The following JAZF1 variants were observed in gnomAD, a reference collection of about 807,000 sequenced individuals.
JAZF1 encodes JAZF zinc finger 1.
JAZF1 carries 8 observed loss-of-function variants against 26.4 expected under a neutral mutation model. That is an observed-to-expected ratio of 0.30 (90% CI 0.18 to 0.55). The LOEUF (loss-of-function observed/expected upper bound fraction) is 0.55. Ranked by LOEUF, JAZF1 falls within the 20% of genes least tolerant of loss-of-function variation. JAZF1 has a pLI of 0.94. For synonymous variants in JAZF1, 126 were observed against 122.3 expected, an observed-to-expected ratio of 1.03 and a Z score of -0.20; for missense variants, 199 against 322.0, an observed-to-expected ratio of 0.62 and a Z score of 2.92.
At chr7:27,855,672 G>A (rs1041950298) in intron 3 of JAZF1, among the ~76,000 whole-genome samples, 5 of 152,132 alleles carry the variant, frequency 3.3e-5, no homozygotes, top group Admixed American at 6.5e-5. Flanking sequence ...GGAAGAAGTC[G>A]AATCCCAGAA....
intron 1 of JAZF1, among the ~76,000 whole-genome samples, chr7:28,129,213 CT>C (rs1199109366): frequency 1.3e-5 from 2 of 152,076 alleles, no homozygotes; most frequent in African/African-American, 4.8e-5. Flanking sequence ...CATATAATCT[CT>C]TAGTGTTCCT....
At chr7:27,877,080 G>A (rs572026212) in intron 3 of JAZF1, among the ~76,000 whole-genome samples, 1 of 152,306 alleles carries the variant, frequency 6.6e-6, no homozygotes, top group East Asian at 1.9e-4. Flanking sequence ...CCGAGAGGGC[G>A]CTAGACTTTG....
intron 1 of JAZF1, among the ~76,000 whole-genome samples, chr7:28,077,930 C>T: frequency 6.6e-6 from 1 of 152,148 alleles, no homozygotes; most frequent in East Asian, 1.9e-4. Flanking sequence ...TTCTCCTCCC[C>T]ATCTACTATT....
At chr7:28,006,307 C>T (rs1363179949) in intron 1 of JAZF1, among the ~76,000 whole-genome samples, 1 of 151,912 alleles carries the variant, frequency 6.6e-6, no homozygotes, top group Non-Finnish European at 1.5e-5. Context: ...AAGCGGAGGT[C>T]ACAGTGAGCC....
At chr7:28,101,686 G>A (rs1190611270) in intron 1 of JAZF1, among the ~76,000 whole-genome samples, 1 of 151,858 alleles carries the variant, frequency 6.6e-6, no homozygotes. Flanking sequence ...TGAGGCTGCA[G>A]TGAGCTGTGA....
At chr7:28,036,542 CAG>C (rs1302719473) in intron 1 of JAZF1, among the ~76,000 whole-genome samples, 1 of 152,182 alleles carries the variant, frequency 6.6e-6, no homozygotes, top group Admixed American at 6.5e-5. Context: ...GCTTTGGACA[CAG>C]AGCATCTTGA....
Position 28,175,997 on chromosome 7 carries a change from AT to A in JAZF1, c.115+4465del, listed in dbSNP as rs768236008. Among the ~76,000 whole-genome samples, 10 of 151,658 alleles carry A rather than the reference AT, an allele frequency of 6.6e-5. No homozygotes were observed. The East Asian group carries it at 1.4e-3, about 21-fold the overall frequency. On this transcript the variant is annotated intron_variant, in intron 1 of 4. Coordinates refer to ENST00000283928, the MANE Select transcript of JAZF1 (RefSeq NM_175061.4). ...TACAGTTTTGATAGTAAGTGCCCTG[AT>A]TTTTTTTTACAGAAACTTTGACCTT...
intron 1 of JAZF1, among the ~76,000 whole-genome samples, chr7:28,103,954 C>A (rs753265867): frequency 3.3e-5 from 5 of 152,206 alleles, no homozygotes; most frequent in Admixed American, 2.0e-4. Flanking sequence ...GCCTCAAAAG[C>A]GCAAACTGGC....
chr7:27,895,227 A>G lies in JAZF1; in HGVS notation c.378T>C (p.Thr126=), dbSNP rs1784040258. ...ITPSSSFRSS[T]PTGSEYDEEE... ...TAGGGCCAGGCCACTCACCTGTCGGAGTGCTGCTGCGGAATGAAGAGGAGG... is the reference window on the plus strand; with the variant it reads ...TAGGGCCAGGCCACTCACCTGTCGGGGTGCTGCTGCGGAATGAAGAGGAGG... Residue 126 remains threonine, a synonymous_variant, in exon 3 of 5, where the codon ACT becomes ACC. Coordinates refer to ENST00000283928, the MANE Select transcript of JAZF1 (RefSeq NM_175061.4). The G allele has an allele frequency of 6.3e-7, 1 of 1,596,924 alleles. No individual in the cohort carries two copies. Among genetic ancestry groups the G allele is most frequent in the Non-Finnish European group, 8.5e-7 (1 of 1,171,562 alleles).
intron 2 of JAZF1, among the ~76,000 whole-genome samples, chr7:27,915,462 A>C (rs1784431849): frequency 1.3e-5 from 2 of 152,230 alleles, no homozygotes; most frequent in South Asian, 4.1e-4. Context: ...ATCAAGGTGC[A>C]TAATTTGATC....
chr7:28,137,939 G>A (rs920422743), intron 1 of JAZF1, among the ~76,000 whole-genome samples: 1 of 152,122 alleles, frequency 6.6e-6, no homozygotes, highest in Non-Finnish European at 1.5e-5. Flanking sequence ...GGAGACTGAG[G>A]GACAGGCAGG....
At chr7:27,881,549 C>T (rs1474159094) in intron 3 of JAZF1, among the ~76,000 whole-genome samples, 1 of 152,104 alleles carries the variant, frequency 6.6e-6, no homozygotes, top group Non-Finnish European at 1.5e-5. Context: ...AGACTTTCAA[C>T]ACAATAATGG....
intron 3 of JAZF1, among the ~76,000 whole-genome samples, chr7:27,865,161 G>C (rs1357706767): frequency 6.6e-6 from 1 of 152,156 alleles, no homozygotes; most frequent in Non-Finnish European, 1.5e-5. Flanking sequence ...CTTGAGCCCA[G>C]GAGTTCAAGA....
chr7:28,107,619 G>T (rs1322616293), intron 1 of JAZF1, among the ~76,000 whole-genome samples: 1 of 152,048 alleles, frequency 6.6e-6, no homozygotes, highest in Non-Finnish European at 1.5e-5. Flanking sequence ...CAGAAACAAG[G>T]CAAAATTAAG....
chr7:28,179,222 CAGG>C (rs1562614494), intron 1 of JAZF1, among the ~76,000 whole-genome samples: 4 of 152,236 alleles, frequency 2.6e-5, no homozygotes, highest in South Asian at 2.1e-4. Context: ...CTAGCCCACG[CAGG>C]ACAACTCGCT....
chr7:27,994,282 T>C (rs1224702942), intron 1 of JAZF1, among the ~76,000 whole-genome samples: 2 of 152,286 alleles, frequency 1.3e-5, no homozygotes, highest in African/African-American at 2.4e-5. Flanking sequence ...AAATCAAGAA[T>C]GTTTAGCACT....
intron 1 of JAZF1, among the ~76,000 whole-genome samples, chr7:28,056,342 T>C (rs923657888): frequency 2.0e-5 from 3 of 151,978 alleles, no homozygotes; most frequent in Non-Finnish European, 2.9e-5. Flanking sequence ...ATGGGACTCC[T>C]GGGAGCGCAA....
At chr7:28,012,537 C>G (rs746843853) in intron 1 of JAZF1, among the ~76,000 whole-genome samples, 1 of 152,180 alleles carries the variant, frequency 6.6e-6, no homozygotes, top group Non-Finnish European at 1.5e-5. Flanking sequence ...CCAATTAAGG[C>G]CACTGAAGGG....
intron 2 of JAZF1, among the ~76,000 whole-genome samples, chr7:27,938,460 T>C (rs892871349): frequency 6.6e-6 from 1 of 152,236 alleles, no homozygotes; most frequent in Non-Finnish European, 1.5e-5. Context: ...AGCGATTTCA[T>C]GGAGGTCCAG....
Sources: gnomAD v4.1 joint callset for allele counts (sites outside exome capture counted in the v4.1 genomes callset) on GRCh38, gnomAD v4.1.1 for gene constraint, MANE v1.5 for transcripts, NCBI Gene and HGNC (gene_info 2026-07-23, HGNC 2026-07-21) for gene names.